MAML2: variants seen among roughly 807,000 people sequenced by gnomAD.
The protein encoded by MAML2 is mastermind like transcriptional coactivator 2, also known as mastermind-like protein 2.
MAML2 carries 22 observed loss-of-function variants against 96.1 expected under a neutral mutation model. The ratio of observed to expected loss-of-function variants is 0.23; its 90% CI spans 0.16 to 0.33. The LOEUF (loss-of-function observed/expected upper bound fraction) is 0.33. MAML2 is among the 10% of genes least tolerant of loss of function. The pLI, the probability that MAML2 is intolerant of heterozygous loss-of-function variation, is 1.00. For missense variants in MAML2, 1,367 were observed against 1,392.4 expected, an observed-to-expected ratio of 0.98 and a Z score of 0.29; for synonymous variants, 561 against 521.3, an observed-to-expected ratio of 1.08 and a Z score of -1.04.
intron 2 of MAML2, among the ~76,000 whole-genome samples, chr11:96,041,497 AGGAAGGAAAGGAAGGAAG>A (rs1858809157): frequency 1.7e-5 from 2 of 121,106 alleles, no homozygotes; most frequent in Admixed American, 1.9e-4. Context: ...AAAGAAGGAA[AGGAAGGAAAGGAAGGAAG>A]GGAAGGAAGG....
intron 1 of MAML2, among the ~76,000 whole-genome samples, chr11:96,298,858 C>T (rs1305768254): frequency 6.8e-6 from 1 of 146,056 alleles, no homozygotes; most frequent in Admixed American, 6.9e-5. Context: ...CTGGCTAACA[C>T]AGTGAAACCC....
At chr11:96,237,010 T>C (rs1041764631) in intron 1 of MAML2, among the ~76,000 whole-genome samples, 3 of 152,188 alleles carry the variant, frequency 2.0e-5, no homozygotes, top group Non-Finnish European at 4.4e-5. Flanking sequence ...ACCTCTGAAC[T>C]GGATGCTAAT....
intron 4 of MAML2, among the ~76,000 whole-genome samples, chr11:95,984,806 AAACTT>A (rs2135703188): frequency 6.6e-6 from 1 of 152,302 alleles, no homozygotes; most frequent in East Asian, 1.9e-4. Flanking sequence ...CCAAGAGCGT[AAACTT>A]AACTTACATC....
intron 1 of MAML2, among the ~76,000 whole-genome samples, chr11:96,139,338 G>A (rs927421966): frequency 1.2e-4 from 19 of 152,100 alleles, no homozygotes; most frequent in African/African-American, 4.1e-4. Context: ...TTAGCCGGGC[G>A]TGGTGGCGGG....
At chr11:96,271,498 AGTGGG>A (rs1288830619) in intron 1 of MAML2, among the ~76,000 whole-genome samples, 4 of 152,206 alleles carry the variant, frequency 2.6e-5, no homozygotes, top group African/African-American at 9.6e-5. Flanking sequence ...GGAGGGACCC[AGTGGG>A]AAGTAATTGA....
chr11:96,303,554 T>G (rs1019942645), intron 1 of MAML2, among the ~76,000 whole-genome samples: 2 of 152,112 alleles, frequency 1.3e-5, no homozygotes, highest in Non-Finnish European at 2.9e-5. Context: ...GTGGCCCATA[T>G]AAATTTTTTA....
chr11:96,060,307 C>T (rs1381644613), intron 2 of MAML2, among the ~76,000 whole-genome samples: 1 of 152,266 alleles, frequency 6.6e-6, no homozygotes, highest in African/African-American at 2.4e-5. Context: ...TACAGTAAAC[C>T]AGTGATGTTT....
chr11:96,172,506 T>C (rs887253675), intron 1 of MAML2, among the ~76,000 whole-genome samples: 3 of 152,230 alleles, frequency 2.0e-5, no homozygotes. Flanking sequence ...GTTCACGTCC[T>C]CTTACGCGAG....
intron 1 of MAML2, among the ~76,000 whole-genome samples, chr11:96,279,692 C>T (rs749490274): frequency 1.3e-5 from 2 of 152,170 alleles, no homozygotes; most frequent in Non-Finnish European, 2.9e-5. Context: ...ACCTATGGCT[C>T]ACCTGTGTCC....
At chr11:96,238,153 T>C (rs1305098857) in intron 1 of MAML2, among the ~76,000 whole-genome samples, 3 of 152,228 alleles carry the variant, frequency 2.0e-5, no homozygotes, top group African/African-American at 7.2e-5. Flanking sequence ...TTTAGTTGTT[T>C]AGTTGGGGGT....
intron 1 of MAML2, among the ~76,000 whole-genome samples, chr11:96,282,573 C>G (rs1331672056): frequency 6.6e-6 from 1 of 152,138 alleles, no homozygotes; most frequent in East Asian, 1.9e-4. Flanking sequence ...CTCCATCTTA[C>G]TGTTAGATTA....
intron 1 of MAML2, among the ~76,000 whole-genome samples, chr11:96,171,908 G>A (rs1354018522): frequency 6.6e-6 from 1 of 152,210 alleles, no homozygotes; most frequent in Non-Finnish European, 1.5e-5. Context: ...GGTGTCACAA[G>A]GGCTGGGATG....
chr11:96,150,489 C>T (rs896481068), intron 1 of MAML2, among the ~76,000 whole-genome samples: 12 of 152,036 alleles, frequency 7.9e-5, no homozygotes, highest in African/African-American at 2.7e-4. Context: ...TGGAGAGAGA[C>T]GTCAGCATTT....
chr11:96,103,674 C>A (rs984283110), intron 1 of MAML2, among the ~76,000 whole-genome samples: 5 of 152,186 alleles, frequency 3.3e-5, no homozygotes, highest in Non-Finnish European at 5.9e-5. Flanking sequence ...CTGTCCTTCC[C>A]TGTCTGTTTC....
At chr11:96,101,422 A>G (rs914854901) in intron 1 of MAML2, among the ~76,000 whole-genome samples, 1 of 152,272 alleles carries the variant, frequency 6.6e-6, no homozygotes, top group South Asian at 2.1e-4. Flanking sequence ...GAAGGGAACC[A>G]GTACAACACT....
intron 1 of MAML2, among the ~76,000 whole-genome samples, chr11:96,194,218 T>C (rs1053544003): frequency 6.6e-6 from 1 of 152,126 alleles, no homozygotes; most frequent in African/African-American, 2.4e-5. Flanking sequence ...GAGGCTGGGG[T>C]GGGCAGTCTG....
chr11:96,316,590 C>G (rs1022122785), intron 1 of MAML2, among the ~76,000 whole-genome samples: 1 of 152,166 alleles, frequency 6.6e-6, no homozygotes, highest in Non-Finnish European at 1.5e-5. Context: ...GATCCACACA[C>G]AACTTCTGTG....
chr11:96,039,321 A>T lies in MAML2; in HGVS notation c.2140-47598T>A, dbSNP rs1440539004. Reference sequence around the variant, plus strand: ...GAAGAGAGAAGAGAGGGGAGAGAGGAGGAGAGGAGGGGAGGGGAGAGGAGA... The same window carrying T: ...GAAGAGAGAAGAGAGGGGAGAGAGGTGGAGAGGAGGGGAGGGGAGAGGAGA... On this transcript the variant is annotated intron_variant, in intron 2 of 4. Coordinates refer to ENST00000524717, the MANE Select transcript of MAML2 (RefSeq NM_032427.4). Among the ~76,000 whole-genome samples, 3 of 122,160 alleles carry T rather than the reference A, an allele frequency of 2.5e-5. No individual in the cohort carries two copies. The East Asian group carries it at 8.7e-4, about 35-fold the overall frequency. 80.1% of individuals were successfully genotyped at this position (122,160 alleles called of 152,430 possible).
In MAML2 at chr11:96,269,331, C is replaced by A. The variant is rs187327961; in HGVS notation, c.513+72052G>T. ...CATGAATCATCATTGTAGGTTTATG[C>A]TTCAGCTCTCCATTCAGCCTAAATA... On this transcript the variant is annotated intron_variant, in intron 1 of 4. Transcript: ENST00000524717. Among the ~76,000 whole-genome samples, 9 of 144,402 alleles carry A rather than the reference C, an allele frequency of 6.2e-5. 1 individual carries two copies. In the East Asian group the frequency reaches 1.8e-3, roughly 29 times the overall value. The allele number at this position is 144,402 out of a possible 152,430, so 94.7% of individuals were successfully genotyped here. A position where few individuals can be genotyped will look rare whatever the true frequency, so the allele number is the denominator to read the frequency against.
Sources: allele counts gnomAD v4.1 joint callset (sites outside exome capture counted in the v4.1 genomes callset), GRCh38; gene constraint gnomAD v4.1.1; transcripts MANE v1.5; gene names NCBI Gene and HGNC (gene_info 2026-07-23, HGNC 2026-07-21).